FGGY: variants seen among roughly 807,000 people sequenced by gnomAD.
FGGY encodes FGGY carbohydrate kinase domain containing.
In FGGY, 72 loss-of-function variants were observed where a neutral mutation model predicts 71.3. The observed-to-expected ratio is 1.01, with a 90% confidence interval of 0.84 to 1.23. The LOEUF (loss-of-function observed/expected upper bound fraction) is 1.23, where lower values mean the gene tolerates loss of function less well. FGGY is among the 50% of genes most tolerant of loss of function. FGGY has a pLI of 0.00. For missense variants in FGGY, 668 were observed against 682.3 expected (o/e 0.98, Z 0.23); for synonymous variants, 251 against 250.3 (o/e 1.00, Z -0.02).
At chr1:59,538,368 A>T (rs2095372510) in intron 7 of FGGY, among the ~76,000 whole-genome samples, 1 of 151,946 alleles carries the variant, frequency 6.6e-6, no homozygotes, top group Admixed American at 6.5e-5. Context: ...GGATGTGGAG[A>T]AATAGGAACA....
chr1:59,327,771 G>A (rs1570432497), intron 2 of FGGY, among the ~76,000 whole-genome samples: 1 of 152,262 alleles, frequency 6.6e-6, no homozygotes, highest in East Asian at 1.9e-4. Flanking sequence ...TGATCCATGG[G>A]CTGCAGAATG....
At chr1:59,752,270 A>G (rs770403206) in intron 14 of FGGY, among the ~76,000 whole-genome samples, 48 of 152,338 alleles carry the variant, frequency 3.2e-4, no homozygotes, top group Admixed American at 6.5e-4. Flanking sequence ...CAACTCTGCA[A>G]ACACTAACCA....
At chr1:59,661,693 GTTTTGT>G (rs370165720) in intron 12 of FGGY, among the ~76,000 whole-genome samples, 6,276 of 148,064 alleles carry the variant, frequency 0.042, 376 homozygotes, top group African/African-American at 0.13. Context: ...TTAAGAGGGT[GTTTTGT>G]TTTTGTTTTT....
intron 14 of FGGY, among the ~76,000 whole-genome samples, chr1:59,716,207 T>C (rs772635219): frequency 1.3e-5 from 2 of 152,188 alleles, no homozygotes; most frequent in Non-Finnish European, 2.9e-5. Context: ...ATATATAATA[T>C]ATATGAAATG....
chr1:59,424,697 C>G (rs2066036878), intron 5 of FGGY, among the ~76,000 whole-genome samples: 1 of 152,134 alleles, frequency 6.6e-6, no homozygotes, highest in Non-Finnish European at 1.5e-5. Context: ...AGGACAGGGA[C>G]TTTGTCTTGG....
chr1:59,539,311 A>G (rs1194891242), intron 7 of FGGY, among the ~76,000 whole-genome samples: 1 of 152,224 alleles, frequency 6.6e-6, no homozygotes, highest in Non-Finnish European at 1.5e-5. Flanking sequence ...CAATAATAAG[A>G]CAGTCTTGAA....
At chr1:59,381,519 A>C (rs1557742689) in intron 5 of FGGY, among the ~76,000 whole-genome samples, 1 of 152,112 alleles carries the variant, frequency 6.6e-6, no homozygotes, top group Non-Finnish European at 1.5e-5. Context: ...CAGGATCATC[A>C]AGATGTCACT....
At chr1:59,316,238 A>G (rs1244511685) in intron 1 of FGGY, 1 of 152,224 alleles carries the variant, frequency 6.6e-6, no homozygotes, top group Non-Finnish European at 1.5e-5. Flanking sequence ...AAGTTGAAAG[A>G]GGATACTGAA....
chr1:59,688,250 A>G (rs1213250977), intron 14 of FGGY, among the ~76,000 whole-genome samples: 4 of 152,234 alleles, frequency 2.6e-5, no homozygotes, highest in Non-Finnish European at 5.9e-5. Flanking sequence ...GTAAGTAACT[A>G]TAATAGATAT....
chr1:59,460,882 G>A (rs1447848105), intron 6 of FGGY, among the ~76,000 whole-genome samples: 2 of 152,166 alleles, frequency 1.3e-5, no homozygotes, highest in African/African-American at 2.4e-5. Context: ...GAAAGGAATA[G>A]CATCAACATC....
At chr1:59,371,480 C>T (rs1473380126) in intron 4 of FGGY, among the ~76,000 whole-genome samples, 1 of 152,146 alleles carries the variant, frequency 6.6e-6, no homozygotes, top group African/African-American at 2.4e-5. Context: ...ACCCCACTGT[C>T]AACATTAGAC....
chr1:59,677,426 T>C (rs1450471629), intron 14 of FGGY, among the ~76,000 whole-genome samples: 1 of 152,160 alleles, frequency 6.6e-6, no homozygotes, highest in East Asian at 1.9e-4. Context: ...TCACTTCTTA[T>C]CTAGATAGGC....
At position 59,432,249 on chromosome 1, in the gene FGGY, A is replaced by G. The variant is rs193197208; in HGVS notation, c.555-24712A>G. On this transcript the variant is annotated intron_variant, in intron 5 of 15. Coordinates refer to ENST00000303721, the MANE Select transcript of FGGY (RefSeq NM_018291.5). ...TATGTACCTCTTTGTCTGGCTGTTC[A>G]TTTGTATTTGTATTCTTTATAATAA... Among the ~76,000 whole-genome samples the G allele has an allele frequency of 1.7e-3, 260 of 152,212 alleles. 5 individuals carry two copies. Among genetic ancestry groups the G allele is most frequent in the Admixed American group, 0.017 (259 of 15,294 alleles).
At chr1:59,735,677 A>G (rs1266733977) in intron 14 of FGGY, among the ~76,000 whole-genome samples, 2 of 152,228 alleles carry the variant, frequency 1.3e-5, no homozygotes, top group East Asian at 1.9e-4. Flanking sequence ...TGCTGCTCAG[A>G]CCCACAAACA....
intron 7 of FGGY, among the ~76,000 whole-genome samples, chr1:59,528,687 A>G (rs898260870): frequency 1.3e-5 from 2 of 152,198 alleles, no homozygotes; most frequent in African/African-American, 4.8e-5. Flanking sequence ...ACTCACCACC[A>G]TGAAACCCTC....
chr1:59,552,985 G>T (rs77602766), intron 7 of FGGY, among the ~76,000 whole-genome samples: 2 of 152,286 alleles, frequency 1.3e-5, no homozygotes, highest in African/African-American at 2.4e-5. Flanking sequence ...GAAGTCCATT[G>T]CATGAGACTA....
At chr1:59,659,383 A>C (rs897944501) in intron 11 of FGGY, among the ~76,000 whole-genome samples, 1 of 152,220 alleles carries the variant, frequency 6.6e-6, no homozygotes, top group African/African-American at 2.4e-5. Flanking sequence ...TGCAAACCGC[A>C]TGTCCATACC....
intron 11 of FGGY, among the ~76,000 whole-genome samples, chr1:59,646,747 C>G (rs1396122490): frequency 6.6e-6 from 1 of 151,836 alleles, no homozygotes; most frequent in African/African-American, 2.4e-5. Flanking sequence ...AAGAGAGAAA[C>G]CGAGGCTCAA....
In FGGY at chr1:59,762,648, A is replaced by G; in HGVS notation, c.*64A>G. Reference sequence around the variant, plus strand: ...CATTGCATTAAAGACTTGTCATTTGATCCATGTTCAAGACCCTTGAGGTAT... The same window carrying G: ...CATTGCATTAAAGACTTGTCATTTGGTCCATGTTCAAGACCCTTGAGGTAT... On this transcript the variant is annotated 3_prime_UTR_variant, in exon 16 of 16. Coordinates refer to ENST00000303721, the MANE Select transcript of FGGY (RefSeq NM_018291.5). 8.2e-7 allele frequency: 1 copy of G among 1,225,416 alleles called. No individual in the cohort carries two copies. Among genetic ancestry groups the G allele is most frequent in the Admixed American group, 1.8e-5 (1 of 54,536 alleles). 75.9% of individuals were successfully genotyped at this position (1,225,416 alleles called of 1,614,324 possible). A position where few individuals can be genotyped will look rare whatever the true frequency, so the allele number is the denominator to read the frequency against.
Sources: allele counts gnomAD v4.1 joint callset (sites outside exome capture counted in the v4.1 genomes callset), GRCh38; gene constraint gnomAD v4.1.1; transcripts MANE v1.5; gene names NCBI Gene and HGNC (gene_info 2026-07-23, HGNC 2026-07-21).